Variants in GPATCH1 observed in about 807,000 individuals in gnomAD.
GPATCH1 encodes G patch domain-containing protein 1.
A neutral mutation model predicts 114.9 loss-of-function variants in GPATCH1; 73 were observed. The ratio of observed to expected loss-of-function variants is 0.64; its 90% CI spans 0.53 to 0.77. The LOEUF is 0.77. Among genes scored for constraint, GPATCH1 ranks in the 30% least tolerant of loss-of-function variants. The probability of loss-of-function intolerance (pLI) is 0.00; values close to 1 mark genes in which losing one functional copy is unlikely to be tolerated. For missense variants in GPATCH1, 1,058 were observed against 1,144.3 expected, an observed-to-expected ratio of 0.92 and a Z score of 1.09; for synonymous variants, 391 against 428.4, an observed-to-expected ratio of 0.91 and a Z score of 1.08.
In GPATCH1 at chr19:33,093,377, A is replaced by G. The variant is rs762539618; in HGVS notation, c.313A>G (p.Ile105Val). The stretch of plus-strand genomic sequence containing the variant: ...TTTGAAGGATCTTAGTGAATTTGGG[A>G]TAGCACCTAAAGCGATTGTCACCAC... ...MDEEDLSEFG[I>V]APKAIVTTDD... is the part of the protein sequence containing the mutation. The change falls in exon 4 of 20, where the codon ATA (isoleucine) becomes GTA (valine). Residue 105 changes from isoleucine (I) to valine (V), a missense_variant. Around this residue, in one of 3 missense-constraint regions of GPATCH1, gnomAD observed 34 missense variants for 59.6 expected, o/e 0.57. Transcript: ENST00000170564. 1.9e-6 allele frequency: 3 copies of G among 1,612,232 alleles called. No individual in the cohort carries two copies. Among genetic ancestry groups the G allele is most frequent in the Non-Finnish European group, 2.5e-6 (3 of 1,178,646 alleles).
intron 12 of GPATCH1, 126 bp from the exon 13 acceptor site, chr19:33,112,360 G>A: frequency 1.0e-6 from 1 of 984,824 alleles, no homozygotes; most frequent in Non-Finnish European, 1.6e-6. Context: ...CAATGTACTG[G>A]AGCATAAATG....
chr19:33,106,306 T>A (rs1972784121), intron 9 of GPATCH1, among the ~76,000 whole-genome samples: 1 of 152,108 alleles, frequency 6.6e-6, no homozygotes, highest in African/African-American at 2.4e-5. Flanking sequence ...GCCCAGCCAT[T>A]ATTTTCCTCC....
At chr19:33,124,711 G>A (rs1221146981) in intron 17 of GPATCH1, among the ~76,000 whole-genome samples, 1 of 152,154 alleles carries the variant, frequency 6.6e-6, no homozygotes, top group Non-Finnish European at 1.5e-5. Context: ...GAGAGGTTAG[G>A]CGACGTGTCG....
At chr19:33,127,621 T>G (rs1973057863) in intron 19 of GPATCH1, among the ~76,000 whole-genome samples, 1 of 152,166 alleles carries the variant, frequency 6.6e-6, no homozygotes, top group Non-Finnish European at 1.5e-5. Context: ...CAGTAACTTC[T>G]GCCATCAGTT....
At position 33,111,807 on chromosome 19, in the gene GPATCH1, C is replaced by T; in HGVS notation, c.1669C>T (p.Leu557=). Reference sequence around the variant, plus strand: ...GGATGAGTTTGCCCGGGCGGCCCTGCTGTACGCATCTTCCCATTCGACCTT... The same window carrying T: ...GGATGAGTTTGCCCGGGCGGCCCTGTTGTACGCATCTTCCCATTCGACCTT... The part of the protein sequence containing the change: ...ERDEFARAAL[L]YASSHSTLSS... Residue 557 remains leucine (L), a synonymous_variant, in exon 12 of 20, where the codon CTG becomes TTG. Coordinates refer to ENST00000170564, the MANE Select transcript of GPATCH1 (RefSeq NM_018025.3). 1 of 1,614,086 alleles carries T rather than the reference C, an allele frequency of 6.2e-7. No individual in the cohort carries two copies. Among genetic ancestry groups the T allele is most frequent in the Non-Finnish European group, 8.5e-7 (1 of 1,179,934 alleles).
chr19:33,097,870 G>A lies in GPATCH1; in HGVS notation c.968G>A (p.Trp323Ter), dbSNP rs1972680698. ...GAGCCTGGAGACGGACTCTATGGCTGGACAGCACCCAGGCAGTATAAAAAC... is the reference window on the plus strand; with the variant it reads ...GAGCCTGGAGACGGACTCTATGGCTAGACAGCACCCAGGCAGTATAAAAAC... The part of the protein sequence containing the change: ...DEEPGDGLYG[W>*]TAPRQYKNQK... Residue 323 changes from tryptophan (W) to a stop codon, truncating the protein, a stop_gained, in exon 8 of 20, where the codon TGG becomes TAG. Coordinates refer to ENST00000170564, the MANE Select transcript of GPATCH1 (RefSeq NM_018025.3). LOFTEE classifies it high-confidence loss of function. 1.2e-6 allele frequency: 2 copies of A among 1,613,882 alleles called. No homozygotes were observed. Among genetic ancestry groups the A allele is most frequent in the Non-Finnish European group, 1.7e-6 (2 of 1,179,940 alleles).
intron 13 of GPATCH1, 37 bp downstream of exon 13, chr19:33,112,650 A>G (rs201340689): frequency 1.0e-5 from 16 of 1,552,884 alleles, no homozygotes; most frequent in African/African-American, 1.4e-5. Flanking sequence ...TACAAAATGT[A>G]TTCTTGATAT....
chr19:33,098,838 T>C (rs1239220532), intron 8 of GPATCH1, among the ~76,000 whole-genome samples: 2 of 152,038 alleles, frequency 1.3e-5, no homozygotes, highest in East Asian at 3.9e-4. Context: ...TGGAAGGGCA[T>C]GTGTACCCAG....
chr19:33,126,171 C>G (rs1308397129), intron 18 of GPATCH1, among the ~76,000 whole-genome samples: 1 of 152,210 alleles, frequency 6.6e-6, no homozygotes, highest in Non-Finnish European at 1.5e-5. Flanking sequence ...GTTCGGTAAC[C>G]TTCTGCCAGT....
In GPATCH1 at chr19:33,099,212, T is replaced by C. The variant is rs531668978; in HGVS notation, c.1000+1310T>C. Among the ~76,000 whole-genome samples, 15 of 151,158 alleles carry C rather than the reference T, an allele frequency of 9.9e-5. 1 individual carries two copies. The highest frequency in any genetic ancestry group is 3.6e-4 in the African/African-American group (15 of 41,332). On this transcript the variant is annotated intron_variant, in intron 8 of 19. Coordinates refer to ENST00000170564, the MANE Select transcript of GPATCH1 (RefSeq NM_018025.3). Reference sequence around the variant, plus strand: ...GTAATGTATTGATCTATTTTAATTATTCATTATTTATTAAAAGTGGTGGGA... The same window carrying C: ...GTAATGTATTGATCTATTTTAATTACTCATTATTTATTAAAAGTGGTGGGA...
intron 8 of GPATCH1, among the ~76,000 whole-genome samples, chr19:33,099,087 A>G (rs569191887): frequency 9.2e-4 from 137 of 148,438 alleles, no homozygotes; most frequent in African/African-American, 3.2e-3. Flanking sequence ...CTATATTATA[A>G]TCAATATACC....
rs1378261865 is a variant in GPATCH1, at chr19:33,087,435, A to G, written c.74-699A>G. Among the ~76,000 whole-genome samples, 5 of 152,138 alleles carry G rather than the reference A, an allele frequency of 3.3e-5. No homozygotes were observed. In the South Asian group the frequency reaches 1.0e-3, roughly 31 times the overall value. The stretch of plus-strand genomic sequence containing the variant: ...ATGTCTCAACCCAGCCCTTTCAACA[A>G]AGTAGGAAAAGGAATAGGTTTAAAG... On this transcript the variant is annotated intron_variant, in intron 1 of 19. Coordinates refer to ENST00000170564, the MANE Select transcript of GPATCH1 (RefSeq NM_018025.3).
At chr19:33,119,935 A>G (rs1280400850) in intron 17 of GPATCH1, among the ~76,000 whole-genome samples, 1 of 144,722 alleles carries the variant, frequency 6.9e-6, no homozygotes, top group Non-Finnish European at 1.5e-5. Flanking sequence ...AAAATTATAT[A>G]TATTTTTATA....
chr19:33,114,330 G>T lies in GPATCH1; in HGVS notation c.2107G>T (p.Ala703Ser). 1 of 1,613,450 alleles carries T rather than the reference G, an allele frequency of 6.2e-7. No homozygotes were observed. The highest frequency in any genetic ancestry group is 8.5e-7 in the Non-Finnish European group (1 of 1,179,572). The change falls in exon 15 of 20, where the codon GCT becomes TCT. Residue 703 changes from alanine to serine, a missense_variant. Ala to Ser is a moderately conservative substitution (Grantham distance 99). Transcript: ENST00000170564. ...TTCCATTAGTGAATTTTTAAGTTTGGCTAGATCAAAAGCCGAGCCACCTAA... is the reference window on the plus strand; with the variant it reads ...TTCCATTAGTGAATTTTTAAGTTTGTCTAGATCAAAAGCCGAGCCACCTAA... Reference protein sequence around the residue: ...EDSISEFLSLARSKAEPPKQQ... With the variant: ...EDSISEFLSLSRSKAEPPKQQ...
At chr19:33,110,048 G>T (rs374523712) in intron 11 of GPATCH1, 32 bp downstream of exon 11, 3 of 1,549,396 alleles carry the variant, frequency 1.9e-6, no homozygotes, top group African/African-American at 2.7e-5. Context: ...CCCAAATCTC[G>T]GCCCGGGCGG....
chr19:33,096,265 C>G lies in GPATCH1; in HGVS notation c.671C>G (p.Pro224Arg). 8 of 1,613,618 alleles carry G rather than the reference C, an allele frequency of 5.0e-6. No homozygotes were observed. Among genetic ancestry groups the G allele is most frequent in the Non-Finnish European group, 6.8e-6 (8 of 1,179,574 alleles). Residue 224 changes from proline to arginine, a missense_variant, in exon 7 of 20, where the codon CCT (proline) becomes CGT (arginine). Coordinates refer to ENST00000170564, the MANE Select transcript of GPATCH1 (RefSeq NM_018025.3). ...ACCTTTGCACCCAAAGATGTCACAC[C>G]TGTGGATTTCACACCTAAAGATAAT... is the stretch of plus-strand genomic sequence containing the variant. ...NVTFAPKDVT[P>R]VDFTPKDNVH...
intron 9 of GPATCH1, among the ~76,000 whole-genome samples, chr19:33,102,578 G>A (rs1293215815): frequency 6.6e-6 from 1 of 151,766 alleles, no homozygotes. Flanking sequence ...TGTATTTTTA[G>A]TAGAGATGGG....
At position 33,096,294 on chromosome 19, in the gene GPATCH1, C is replaced by T; in HGVS notation, c.700C>T (p.His234Tyr). ...PVDFTPKDNV[H>Y]GLAYKGLDPH... ...GGATTTCACACCTAAAGATAATGTG[C>T]ATGGTCTAGCTTACAAGGGCCTGGA... is the stretch of plus-strand genomic sequence containing the variant. The change falls in exon 7 of 20, where the codon CAT (histidine) becomes TAT (tyrosine). Residue 234 changes from histidine (H) to tyrosine (Y), a missense_variant. By Grantham distance (83) the His-to-Tyr change is moderately conservative (BLOSUM62 2). Transcript: ENST00000170564. The T allele has an allele frequency of 6.2e-7, 1 of 1,614,014 alleles. No homozygotes were observed. Among genetic ancestry groups the T allele is most frequent in the Non-Finnish European group, 8.5e-7 (1 of 1,179,916 alleles).
At chr19:33,125,678 T>TA (rs1568352036) in intron 18 of GPATCH1, among the ~76,000 whole-genome samples, 5 of 152,202 alleles carry the variant, frequency 3.3e-5, no homozygotes, top group South Asian at 2.1e-4. Context: ...GCCCAGCCCT[T>TA]AAAAAAACTT....
Sources: gnomAD v4.1 joint callset for allele counts (sites outside exome capture counted in the v4.1 genomes callset) on GRCh38, gnomAD v4.1.1 for gene constraint, gnomAD v4.1.1 regional missense constraint, MANE v1.5 for transcripts, NCBI Gene and HGNC (gene_info 2026-07-23, HGNC 2026-07-21) for gene names.